Variants in CDC37L1 observed in about 807,000 individuals in gnomAD.
CDC37L1 encodes the protein hsp90 co-chaperone Cdc37-like 1.
Under a neutral mutation model 45.9 loss-of-function variants are expected in CDC37L1, and 32 were observed. The ratio of observed to expected loss-of-function variants is 0.70; its 90% CI spans 0.53 to 0.94. The LOEUF (loss-of-function observed/expected upper bound fraction) is 0.94, where lower values mean the gene tolerates loss of function less well. Ranked by LOEUF, CDC37L1 falls within the 40% of genes least tolerant of loss-of-function variation. The probability of loss-of-function intolerance (pLI) is 0.00; values close to 1 mark genes in which losing one functional copy is unlikely to be tolerated. For missense variants in CDC37L1, 434 were observed against 405.7 expected (o/e 1.07, Z -0.60); for synonymous variants, 150 against 133.0 (o/e 1.13, Z -0.88).
chr9:4,698,292 A>G (rs1449649879), intron 5 of CDC37L1, among the ~76,000 whole-genome samples: 1 of 151,994 alleles, frequency 6.6e-6, no homozygotes, highest in Non-Finnish European at 1.5e-5. Context: ...AAGAAAAAAT[A>G]GGAAGCAACC....
chr9:4,682,758 C>T (rs904897551), intron 1 of CDC37L1, among the ~76,000 whole-genome samples: 3 of 151,974 alleles, frequency 2.0e-5, no homozygotes, highest in Non-Finnish European at 4.4e-5. Flanking sequence ...CAGGCGTGAG[C>T]CACTGAGCCC....
chr9:4,682,388 G>T (rs913406190), intron 1 of CDC37L1, among the ~76,000 whole-genome samples: 1 of 147,184 alleles, frequency 6.8e-6, no homozygotes, highest in Non-Finnish European at 1.5e-5. Context: ...GTGCAGTGGT[G>T]CAATCTCGGC....
chr9:4,688,706 C>T (rs1007574487), intron 3 of CDC37L1, 100 bp downstream of exon 3: 3 of 736,002 alleles, frequency 4.1e-6, no homozygotes, highest in Admixed American at 4.0e-5. Flanking sequence ...AGAAAAGTGG[C>T]AAACTCCAAT....
chr9:4,700,091 G>T (rs1026334653), intron 5 of CDC37L1, among the ~76,000 whole-genome samples: 2 of 152,110 alleles, frequency 1.3e-5, no homozygotes, highest in African/African-American at 4.8e-5. Context: ...TCCTGAAACA[G>T]TTGAACTTTA....
Position 4,679,680 on chromosome 9 carries a change from T to C in CDC37L1, c.-88T>C. ...CCGGACCCCCGGCTGGGCTTCTGGC[T>C]CGGCGCAGCAGGTTCCATTCACGCC... On this transcript the variant is annotated 5_prime_UTR_variant, in exon 1 of 7. Transcript: ENST00000381854. 1.6e-6 allele frequency: 2 copies of C among 1,269,410 alleles called. No homozygotes were observed. Among genetic ancestry groups the C allele is most frequent in the Non-Finnish European group, 2.1e-6 (2 of 940,552 alleles). 78.6% of individuals were successfully genotyped at this position (1,269,410 alleles called of 1,614,324 possible).
At chr9:4,693,378 G>A (rs1841318641) in intron 3 of CDC37L1, among the ~76,000 whole-genome samples, 2 of 152,010 alleles carry the variant, frequency 1.3e-5, no homozygotes, top group African/African-American at 4.8e-5. Flanking sequence ...AGGAGGTTGA[G>A]GCTGCAATGA....
At chr9:4,687,427 C>G (rs1030494707) in intron 2 of CDC37L1, among the ~76,000 whole-genome samples, 4 of 151,888 alleles carry the variant, frequency 2.6e-5, no homozygotes, top group Non-Finnish European at 4.4e-5. Flanking sequence ...GCCTATAATC[C>G]CAGCACGTTG....
rs1316526371 is a variant in CDC37L1, at chr9:4,679,864, C to A, written c.97C>A (p.Pro33Thr). The change falls in exon 1 of 7, where the codon CCC becomes ACC. Residue 33 changes from proline to threonine, a missense_variant. Transcript: ENST00000381854. Reference sequence around the variant, plus strand: ...TGACTTCGACGTGTTCCCCAGTTCTCCCCGCTGCCCGCAGCTGCCAGGCGG... The same window carrying A: ...TGACTTCGACGTGTTCCCCAGTTCTACCCGCTGCCCGCAGCTGCCAGGCGG... ...ESDFDVFPSS[P>T]RCPQLPGGGA... 1 of 1,613,950 alleles carries A rather than the reference C, an allele frequency of 6.2e-7. No homozygotes were observed. Among genetic ancestry groups the A allele is most frequent in the Admixed American group, 1.7e-5 (1 of 60,028 alleles).
At chr9:4,703,801 T>A (rs188248353) in intron 6 of CDC37L1, among the ~76,000 whole-genome samples, 63 of 152,198 alleles carry the variant, frequency 4.1e-4, no homozygotes, top group African/African-American at 1.5e-3. Context: ...GCAACTGATA[T>A]CAGGTGCTAG....
intron 6 of CDC37L1, among the ~76,000 whole-genome samples, chr9:4,704,615 G>T (rs1406566823): frequency 6.6e-6 from 1 of 152,158 alleles, no homozygotes; most frequent in African/African-American, 2.4e-5. Context: ...AGAGAATTAG[G>T]CTTGGATTGT....
chr9:4,680,442 C>T (rs1473388009), intron 1 of CDC37L1, among the ~76,000 whole-genome samples: 2 of 152,202 alleles, frequency 1.3e-5, no homozygotes, highest in African/African-American at 2.4e-5. Context: ...CTCTCCCATT[C>T]GCGTGACCAT....
intron 1 of CDC37L1, among the ~76,000 whole-genome samples, chr9:4,683,771 A>G (rs1413768706): frequency 6.6e-6 from 1 of 152,204 alleles, no homozygotes; most frequent in Non-Finnish European, 1.5e-5. Flanking sequence ...AGTGATGCAG[A>G]TATGGGAACA....
chr9:4,683,071 CTT>C lies in CDC37L1; in HGVS notation c.133-1804_133-1803del, dbSNP rs1414386197. 5.3e-5 allele frequency among the ~76,000 whole-genome samples: 7 copies of C among 130,846 alleles called. 1 individual carries two copies. The highest frequency in any genetic ancestry group is 3.2e-4 in the Admixed American group (4 of 12,380). 85.8% of individuals were successfully genotyped at this position (130,846 alleles called of 152,430 possible). A position where few individuals can be genotyped will look rare whatever the true frequency, so the allele number is the denominator to read the frequency against. On this transcript the variant is annotated intron_variant, in intron 1 of 6. Transcript: ENST00000381854. ...ATTTTAAAATATATTTTAAAATATA[CTT>C]TATATATTTTATATATATATTTTAT...
At chr9:4,693,614 A>G (rs912159718) in intron 3 of CDC37L1, among the ~76,000 whole-genome samples, 1 of 152,234 alleles carries the variant, frequency 6.6e-6, no homozygotes, top group African/African-American at 2.4e-5. Context: ...CTAGGGAAAT[A>G]TATAGGTTAA....
At chr9:4,685,450 A>G (rs1012529967) in intron 2 of CDC37L1, 8 of 261,310 alleles carry the variant, frequency 3.1e-5, no homozygotes, top group Admixed American at 1.4e-4. Flanking sequence ...TGATATAAGG[A>G]TGGGAAAATA....
intron 3 of CDC37L1, among the ~76,000 whole-genome samples, chr9:4,692,918 A>C (rs1419401687): frequency 1.3e-5 from 2 of 152,142 alleles, no homozygotes; most frequent in African/African-American, 4.8e-5. Context: ...AGCCTAGGAA[A>C]CATTGTAGGA....
intron 3 of CDC37L1, among the ~76,000 whole-genome samples, chr9:4,694,084 A>C (rs1841325267): frequency 6.6e-6 from 1 of 152,092 alleles, no homozygotes; most frequent in Non-Finnish European, 1.5e-5. Flanking sequence ...GATTCTCCTT[A>C]TGTGTTTTAT....
At chr9:4,688,312 A>G (rs1348250961) in intron 2 of CDC37L1, among the ~76,000 whole-genome samples, 1 of 152,178 alleles carries the variant, frequency 6.6e-6, no homozygotes, top group Non-Finnish European at 1.5e-5. Flanking sequence ...ACATCATTTT[A>G]AACAAAATTA....
Position 4,706,979 on chromosome 9 carries a change from G to C in CDC37L1, c.*867G>C, listed in dbSNP as rs1841449332. The stretch of plus-strand genomic sequence containing the variant: ...AATTTGTAGTTATTTTACTCATGTT[G>C]CCTTTTAATTTTTGTTATTTTGGTT... On this transcript the variant is annotated 3_prime_UTR_variant, in exon 7 of 7. Coordinates refer to ENST00000381854, the MANE Select transcript of CDC37L1 (RefSeq NM_017913.4). 6.6e-6 allele frequency: 1 copy of C among 152,084 alleles called. No homozygotes were observed. Among genetic ancestry groups the C allele is most frequent in the African/African-American group, 2.4e-5 (1 of 41,412 alleles). 9.4% of individuals were successfully genotyped at this position (152,084 alleles called of 1,614,324 possible).
Sources: gnomAD v4.1 joint callset for allele counts (sites outside exome capture counted in the v4.1 genomes callset) on GRCh38, gnomAD v4.1.1 for gene constraint, MANE v1.5 for transcripts, NCBI Gene and HGNC (gene_info 2026-07-23, HGNC 2026-07-21) for gene names.